Variants in CEP170 observed in about 807,000 individuals in gnomAD.
CEP170 encodes the protein centrosomal protein of 170 kDa.
A neutral mutation model predicts 151.9 loss-of-function variants in CEP170; 21 were observed. The observed-to-expected ratio is 0.14, with a 90% confidence interval of 0.10 to 0.20. The LOEUF (loss-of-function observed/expected upper bound fraction) is 0.20, where lower values mean the gene tolerates loss of function less well. CEP170 is among the 10% of genes least tolerant of loss of function. The pLI is 1.00. For synonymous variants in CEP170, 356 were observed against 648.8 expected, an observed-to-expected ratio of 0.55 and a Z score of 6.86; for missense variants, 964 against 1,892.9, an observed-to-expected ratio of 0.51 and a Z score of 9.11.
intron 13 of CEP170, among the ~76,000 whole-genome samples, chr1:243,161,982 A>G (rs879627862): frequency 6.6e-6 from 1 of 152,196 alleles, no homozygotes; most frequent in Admixed American, 6.5e-5. Flanking sequence ...TCACTGAAGG[A>G]AAGATCCTGG....
At chr1:243,134,919 AC>A (rs1313941767) in intron 17 of CEP170, among the ~76,000 whole-genome samples, 2 of 152,212 alleles carry the variant, frequency 1.3e-5, no homozygotes, top group Non-Finnish European at 2.9e-5. Flanking sequence ...AGATCAAGGT[AC>A]AAAAGTAGAT....
At chr1:243,240,836 GTGCC>G (rs2064763959) in intron 1 of CEP170, among the ~76,000 whole-genome samples, 1 of 152,086 alleles carries the variant, frequency 6.6e-6, no homozygotes, top group South Asian at 2.1e-4. Context: ...GGGATTACAG[GTGCC>G]TGCCACCATG....
intron 7 of CEP170, among the ~76,000 whole-genome samples, chr1:243,197,633 A>G (rs530646349): frequency 6.6e-6 from 1 of 151,956 alleles, no homozygotes; most frequent in East Asian, 1.9e-4. Context: ...CAGGCAGCCT[A>G]TGAGAGTGAG....
At chr1:243,251,692 C>T (rs543273947) in intron 1 of CEP170, among the ~76,000 whole-genome samples, 1 of 152,126 alleles carries the variant, frequency 6.6e-6, no homozygotes, top group Non-Finnish European at 1.5e-5. Flanking sequence ...GACTTGTTCT[C>T]TGCTATGTGT....
At chr1:243,253,852 T>C (rs2066198152) in intron 1 of CEP170, among the ~76,000 whole-genome samples, 1 of 152,224 alleles carries the variant, frequency 6.6e-6, no homozygotes, top group South Asian at 2.1e-4. Flanking sequence ...AAATGTATCA[T>C]CTGCTTCGCC....
At chr1:243,201,647 G>C (rs1489474506) in intron 4 of CEP170, among the ~76,000 whole-genome samples, 14 of 152,010 alleles carry the variant, frequency 9.2e-5, no homozygotes, top group Non-Finnish European at 2.1e-4. Context: ...TGACTACTTG[G>C]GGGAAAAAGA....
intron 3 of CEP170, among the ~76,000 whole-genome samples, chr1:243,219,309 T>A (rs1472894600): frequency 6.6e-6 from 1 of 152,204 alleles, no homozygotes. Flanking sequence ...TCATTACATG[T>A]TTACACACTT....
intron 7 of CEP170, among the ~76,000 whole-genome samples, chr1:243,191,933 C>G (rs369120170): frequency 6.6e-6 from 1 of 152,122 alleles, no homozygotes. Flanking sequence ...TATATATGAA[C>G]ACATGTAGTG....
chr1:243,199,142 C>G lies in CEP170; in HGVS notation c.549G>C (p.Trp183Cys). 1.9e-6 allele frequency: 3 copies of G among 1,612,148 alleles called. No homozygotes were observed. Among genetic ancestry groups the G allele is most frequent in the Non-Finnish European group, 1.7e-6 (2 of 1,178,850 alleles). Residue 183 changes from tryptophan (W) to cysteine (C), a missense_variant, in exon 7 of 20, where the codon TGG (tryptophan) becomes TGC (cysteine). By Grantham distance (215) the Trp-to-Cys change is radical. Transcript: ENST00000366542. ...TTTTTTCATCCACCTCATCATCCCCCCACCATGACGGCTGCCCATATAATG... is the reference window on the plus strand; with the variant it reads ...TTTTTTCATCCACCTCATCATCCCCGCACCATGACGGCTGCCCATATAATG... The part of the protein sequence containing the change: ...GTPLYGQPSW[W>C]GDDEVDEKRA...
At chr1:243,246,999 T>G (rs1201439374) in intron 1 of CEP170, among the ~76,000 whole-genome samples, 1 of 152,174 alleles carries the variant, frequency 6.6e-6, no homozygotes, top group Non-Finnish European at 1.5e-5. Flanking sequence ...ATAAGTATTT[T>G]GCACTTTACC....
At chr1:243,182,683 A>C (rs907700637) in intron 10 of CEP170, among the ~76,000 whole-genome samples, 1 of 152,152 alleles carries the variant, frequency 6.6e-6, no homozygotes, top group Admixed American at 6.5e-5. Context: ...GGTCCTCTGA[A>C]CAAGTCATGT....
chr1:243,198,150 G>C (rs1263239708), intron 7 of CEP170, among the ~76,000 whole-genome samples: 1 of 151,998 alleles, frequency 6.6e-6, no homozygotes, highest in Non-Finnish European at 1.5e-5. Context: ...CCAGGTGCCT[G>C]TACTTAATTC....
intron 14 of CEP170, among the ~76,000 whole-genome samples, chr1:243,146,501 T>C (rs2056502630): frequency 6.6e-6 from 1 of 152,134 alleles, no homozygotes; most frequent in Admixed American, 6.5e-5. Context: ...TTCATAAGCA[T>C]GTGGCTAAAA....
intron 3 of CEP170, among the ~76,000 whole-genome samples, chr1:243,216,916 G>C (rs1026120760): frequency 3.3e-5 from 5 of 152,178 alleles, no homozygotes; most frequent in Non-Finnish European, 4.4e-5. Context: ...AGTATTCGGA[G>C]GATACAGTCA....
At chr1:243,219,329 G>A (rs564789545) in intron 3 of CEP170, among the ~76,000 whole-genome samples, 1 of 152,168 alleles carries the variant, frequency 6.6e-6, no homozygotes, top group African/African-American at 2.4e-5. Flanking sequence ...TTGGAAGGTA[G>A]TATATATGAG....
chr1:243,146,684 C>T (rs548124953), intron 14 of CEP170, among the ~76,000 whole-genome samples: 52 of 151,090 alleles, frequency 3.4e-4, no homozygotes, highest in African/African-American at 1.2e-3. Flanking sequence ...AAAAAAAACC[C>T]GAGATATTAG....
At chr1:243,223,389 C>T (rs143877796) in intron 2 of CEP170, among the ~76,000 whole-genome samples, 92 of 152,280 alleles carry the variant, frequency 6.0e-4, no homozygotes, top group Admixed American at 3.3e-3. Flanking sequence ...CAAATGGCTA[C>T]TCATGGAGCC....
intron 12 of CEP170, among the ~76,000 whole-genome samples, chr1:243,167,025 G>A (rs1166660443): frequency 6.6e-6 from 1 of 151,982 alleles, no homozygotes; most frequent in Non-Finnish European, 1.5e-5. Flanking sequence ...TTTATAGAAG[G>A]GAAGTTCACT....
chr1:243,178,100 G>A (rs1406883517), intron 10 of CEP170, among the ~76,000 whole-genome samples: 3 of 152,008 alleles, frequency 2.0e-5, no homozygotes, highest in Non-Finnish European at 4.4e-5. Flanking sequence ...GGCCGAAGGC[G>A]GGTGGATCAC....
Sources: gnomAD v4.1 joint callset for allele counts (sites outside exome capture counted in the v4.1 genomes callset) on GRCh38, gnomAD v4.1.1 for gene constraint, MANE v1.5 for transcripts, NCBI Gene and HGNC (gene_info 2026-07-23, HGNC 2026-07-21) for gene names.